The following GALNT17 variants were observed in gnomAD, a reference collection of about 807,000 sequenced individuals.
The protein encoded by GALNT17 is polypeptide N-acetylgalactosaminyltransferase 17.
In GALNT17, 29 loss-of-function variants were observed where a neutral mutation model predicts 63.7. The ratio of observed to expected loss-of-function variants is 0.46; its 90% CI spans 0.34 to 0.62. GALNT17 has a LOEUF of 0.62. GALNT17 is among the 20% of genes least tolerant of loss of function. The probability of loss-of-function intolerance (pLI) is 0.01; values close to 1 mark genes in which losing one functional copy is unlikely to be tolerated. For synonymous variants in GALNT17, 305 were observed against 318.3 expected (o/e 0.96, Z 0.45); for missense variants, 603 against 799.6 (o/e 0.75, Z 2.97).
chr7:71,580,068 TTAGA>T (rs60951257), intron 6 of GALNT17, among the ~76,000 whole-genome samples: 17,178 of 151,650 alleles, frequency 0.11, 1,622 homozygotes, highest in African/African-American at 0.27. Flanking sequence ...GAATGATAGA[TTAGA>T]TAGATGAAAT....
At chr7:71,677,423 A>C (rs1791169407) in intron 9 of GALNT17, 117 bp downstream of exon 9, 1 of 1,028,872 alleles carries the variant, frequency 9.7e-7, no homozygotes, top group Non-Finnish European at 1.4e-6. Context: ...ATTTATTCTG[A>C]GAAAAATTTT....
chr7:71,186,956 C>T (rs1168012366), intron 1 of GALNT17, among the ~76,000 whole-genome samples: 1 of 152,132 alleles, frequency 6.6e-6, no homozygotes, highest in South Asian at 2.1e-4. Flanking sequence ...AAGTAGATGG[C>T]TTCCCTTACT....
At chr7:71,670,194 A>G in intron 8 of GALNT17, 85 bp downstream of exon 8, 1 of 1,558,878 alleles carries the variant, frequency 6.4e-7, no homozygotes, top group Non-Finnish European at 8.8e-7. Context: ...AGAGTTGCTC[A>G]TTCATTCATT....
chr7:71,318,630 A>G (rs1266728484), intron 1 of GALNT17, among the ~76,000 whole-genome samples: 1 of 151,848 alleles, frequency 6.6e-6, no homozygotes, highest in Middle Eastern at 3.4e-3. Context: ...GGGTTTCACC[A>G]TGTTGGCCAG....
chr7:71,335,590 G>A lies in GALNT17; in HGVS notation c.279G>A (p.Gly93=), dbSNP rs945232013. 3 of 1,610,904 alleles carry A rather than the reference G, an allele frequency of 1.9e-6. No homozygotes were observed. Among genetic ancestry groups the A allele is most frequent in the East Asian group, 4.5e-5 (2 of 44,670 alleles). The change falls in exon 2 of 11, where the codon GGG becomes GGA. Residue 93 remains glycine (G), a synonymous_variant. Coordinates refer to ENST00000333538, the MANE Select transcript of GALNT17 (RefSeq NM_022479.3). Reference sequence around the variant, plus strand: ...TTGGGCTCATTGAAGGTTATGGTGGGCGGGGTAAAGGGGGCCTTCCGGCTA... The same window carrying A: ...TTGGGCTCATTGAAGGTTATGGTGGACGGGGTAAAGGGGGCCTTCCGGCTA... ...KSLGLIEGYG[G]RGKGGLPATL...
At chr7:71,480,798 T>G (rs1187854809) in intron 5 of GALNT17, among the ~76,000 whole-genome samples, 1 of 152,118 alleles carries the variant, frequency 6.6e-6, no homozygotes, top group East Asian at 1.9e-4. Flanking sequence ...TGAGCCACCA[T>G]GCCCAGCTAA....
intron 1 of GALNT17, among the ~76,000 whole-genome samples, chr7:71,253,556 C>G (rs1790239135): frequency 6.7e-6 from 1 of 150,286 alleles, no homozygotes; most frequent in African/African-American, 2.5e-5. Flanking sequence ...TTACTGCCTA[C>G]TCTTTTCTCT....
chr7:71,538,719 T>C (rs1788839787), intron 5 of GALNT17, among the ~76,000 whole-genome samples: 3 of 152,048 alleles, frequency 2.0e-5, no homozygotes, highest in African/African-American at 7.2e-5. Context: ...TCTGCTCCAC[T>C]CTCTCTGAGC....
intron 1 of GALNT17, 94 bp downstream of exon 1, chr7:71,133,134 G>A (rs1787717855): frequency 1.7e-6 from 2 of 1,170,778 alleles, no homozygotes; most frequent in Non-Finnish European, 1.1e-6. Context: ...CCTGTGCCTG[G>A]GAGCCGGCAC....
intron 1 of GALNT17, among the ~76,000 whole-genome samples, chr7:71,226,207 A>T (rs569527456): frequency 7.9e-5 from 12 of 152,354 alleles, no homozygotes; most frequent in African/African-American, 2.6e-4. Context: ...GGAACAATGA[A>T]TGAAGTGAGT....
chr7:71,480,931 G>A (rs1300118167), intron 5 of GALNT17, among the ~76,000 whole-genome samples: 1 of 152,168 alleles, frequency 6.6e-6, no homozygotes, highest in Non-Finnish European at 1.5e-5. Context: ...GCCCTTTCAT[G>A]ACAGCCCAGG....
At chr7:71,306,847 A>G (rs1447374691) in intron 1 of GALNT17, among the ~76,000 whole-genome samples, 2 of 136,014 alleles carry the variant, frequency 1.5e-5, no homozygotes, top group Admixed American at 7.5e-5. Flanking sequence ...TTTTTGAGAC[A>G]GAGTCTCGCT....
chr7:71,284,973 G>C (rs1790847122), intron 1 of GALNT17, among the ~76,000 whole-genome samples: 1 of 151,948 alleles, frequency 6.6e-6, no homozygotes, highest in Non-Finnish European at 1.5e-5. Context: ...AGGTGTTATG[G>C]GGCCTGAAGC....
At chr7:71,264,495 A>G (rs1382319583) in intron 1 of GALNT17, among the ~76,000 whole-genome samples, 1 of 152,158 alleles carries the variant, frequency 6.6e-6, no homozygotes, top group Non-Finnish European at 1.5e-5. Flanking sequence ...TGCAAAGGAA[A>G]GGAAATCAGT....
intron 1 of GALNT17, among the ~76,000 whole-genome samples, chr7:71,191,193 T>C (rs773332212): frequency 8.5e-5 from 13 of 152,214 alleles, no homozygotes; most frequent in Non-Finnish European, 1.0e-4. Context: ...AGAAATTCTC[T>C]TGTATCGCTT....
intron 1 of GALNT17, among the ~76,000 whole-genome samples, chr7:71,228,848 CATTCATGGGTT>C (rs1319333325): frequency 6.6e-6 from 1 of 152,170 alleles, no homozygotes; most frequent in African/African-American, 2.4e-5. Flanking sequence ...AATAAATTAC[CATTCATGGGTT>C]CCAGGGATCA....
intron 1 of GALNT17, among the ~76,000 whole-genome samples, chr7:71,191,066 G>A (rs1199156240): frequency 6.6e-6 from 1 of 152,132 alleles, no homozygotes; most frequent in African/African-American, 2.4e-5. Flanking sequence ...AAATTGAGAT[G>A]TAATTTACAT....
intron 1 of GALNT17, among the ~76,000 whole-genome samples, chr7:71,156,609 CCTTCCTT>C (rs1788239515): frequency 6.6e-6 from 1 of 150,602 alleles, no homozygotes; most frequent in African/African-American, 2.5e-5. Context: ...TTCCTTCCTT[CCTTCCTT>C]CCTCCATTCT....
At chr7:71,139,383 C>T (rs1345007851) in intron 1 of GALNT17, among the ~76,000 whole-genome samples, 1 of 152,156 alleles carries the variant, frequency 6.6e-6, no homozygotes, top group East Asian at 1.9e-4. Flanking sequence ...GCAGCTCTGT[C>T]ATAAGAAGAA....
Sources: gnomAD v4.1 joint callset for allele counts (sites outside exome capture counted in the v4.1 genomes callset) on GRCh38, gnomAD v4.1.1 for gene constraint, MANE v1.5 for transcripts, NCBI Gene and HGNC (gene_info 2026-07-23, HGNC 2026-07-21) for gene names.